The following SAMD5 variants were observed in gnomAD, a reference collection of about 807,000 sequenced individuals.
The protein encoded by SAMD5 is sterile alpha motif domain-containing protein 5.
Under a neutral mutation model 11.3 loss-of-function variants are expected in SAMD5, and 13 were observed. The ratio of observed to expected loss-of-function variants is 1.15; its 90% CI spans 0.75 to 1.83. The LOEUF is 1.83. Among genes scored for constraint, SAMD5 ranks in the 40% most tolerant of loss-of-function variants. The pLI, the probability that SAMD5 is intolerant of heterozygous loss-of-function variation, is 0.00. For synonymous variants in SAMD5, 129 were observed against 111.3 expected (o/e 1.16, Z -1.00); for missense variants, 255 against 239.1 (o/e 1.07, Z -0.44).
intron 1 of SAMD5, among the ~76,000 whole-genome samples, chr6:147,579,490 G>T (rs1789265642): frequency 7.7e-6 from 1 of 129,446 alleles, no homozygotes; most frequent in Non-Finnish European, 1.6e-5. Context: ...TTTTGAGACG[G>T]AGTCTCACTC....
chr6:147,826,183 T>C, the SAMD5 span, among the ~76,000 whole-genome samples: 2 of 152,266 alleles, frequency 1.3e-5, no homozygotes, highest in Non-Finnish European at 2.9e-5. Flanking sequence ...CTATAGCTAA[T>C]GTGCATTTTA....
chr6:147,817,427 A>T, the SAMD5 span, among the ~76,000 whole-genome samples: 1 of 152,234 alleles, frequency 6.6e-6, no homozygotes, highest in Non-Finnish European at 1.5e-5. Context: ...CTTCTTTCTG[A>T]TGCCATGTGG....
chr6:147,805,512 C>T, the SAMD5 span, among the ~76,000 whole-genome samples: 5 of 151,962 alleles, frequency 3.3e-5, no homozygotes, highest in East Asian at 9.6e-4. Context: ...TAATAATGGA[C>T]GTGTGAGAAG....
chr6:147,926,733 T>C, the SAMD5 span, among the ~76,000 whole-genome samples: 4 of 152,156 alleles, frequency 2.6e-5, no homozygotes, highest in Admixed American at 2.6e-4. Context: ...GGTGTCTTCT[T>C]CATGAAATCT....
chr6:147,688,005 T>C (rs1291755042), intron 1 of SAMD5, among the ~76,000 whole-genome samples: 1 of 152,194 alleles, frequency 6.6e-6, no homozygotes, highest in Non-Finnish European at 1.5e-5. Context: ...ATATGTTTCT[T>C]CTGGGCCATT....
chr6:147,792,771 A>G, the SAMD5 span, among the ~76,000 whole-genome samples: 2 of 152,174 alleles, frequency 1.3e-5, no homozygotes, highest in South Asian at 4.1e-4. Flanking sequence ...ACAAAAACCA[A>G]CAACAATGAT....
chr6:147,542,173 G>T (rs372139905), intron 1 of SAMD5, among the ~76,000 whole-genome samples: 1 of 152,168 alleles, frequency 6.6e-6, no homozygotes, highest in East Asian at 1.9e-4. Flanking sequence ...ATGCATATTG[G>T]GTCGGCAGCA....
chr6:147,583,799 G>GA (rs1789335380), intron 1 of SAMD5, among the ~76,000 whole-genome samples: 1 of 141,308 alleles, frequency 7.1e-6, no homozygotes, highest in Non-Finnish European at 1.5e-5. Flanking sequence ...TGATAAAAGG[G>GA]AAAAAAGTGG....
intron 1 of SAMD5, among the ~76,000 whole-genome samples, chr6:147,710,220 A>G (rs909779116): frequency 2.0e-5 from 3 of 152,122 alleles, no homozygotes; most frequent in African/African-American, 7.2e-5. Flanking sequence ...CCCTGCTATG[A>G]GACTGGGTTG....
the SAMD5 span, chr6:147,953,324 C>T: frequency 6.6e-6 from 1 of 151,766 alleles, no homozygotes; most frequent in Non-Finnish European, 1.5e-5. Flanking sequence ...CCTTTGGCCA[C>T]TTCAGCCATT....
chr6:147,692,098 T>C (rs10484686), intron 1 of SAMD5, among the ~76,000 whole-genome samples: 17,364 of 152,192 alleles, frequency 0.11, 1,093 homozygotes, highest in Middle Eastern at 0.16. Context: ...TGATAACTTA[T>C]TGAAATATGG....
the SAMD5 span, among the ~76,000 whole-genome samples, chr6:147,747,724 G>A: frequency 6.6e-6 from 1 of 152,072 alleles, no homozygotes; most frequent in South Asian, 2.1e-4. Context: ...ATGTTCCCTA[G>A]GCCGATAAAC....
chr6:147,911,809 G>A, the SAMD5 span, among the ~76,000 whole-genome samples: 1 of 152,228 alleles, frequency 6.6e-6, no homozygotes, highest in Non-Finnish European at 1.5e-5. Context: ...GCCAGATGCA[G>A]CTGATCCCAG....
Position 147,722,220 on chromosome 6 carries a change from G to A in SAMD5, c.163-15097G>A, listed in dbSNP as rs150606718. ...CTTGCCAATACCAGCTTATGAATGAGCTCAATGATATGCAAGAGGTAAGTG... is the reference window on the plus strand; with the variant it reads ...CTTGCCAATACCAGCTTATGAATGAACTCAATGATATGCAAGAGGTAAGTG... On this transcript the variant is annotated intron_variant, in intron 1 of 1. Transcript: ENST00000566741. Among the ~76,000 whole-genome samples, 18 of 151,662 alleles carry A rather than the reference G, an allele frequency of 1.2e-4. No homozygotes were observed. In the East Asian group the frequency reaches 3.5e-3, roughly 29 times the overall value.
the SAMD5 span, among the ~76,000 whole-genome samples, chr6:147,916,697 C>T: frequency 7.1e-6 from 1 of 141,170 alleles, no homozygotes; most frequent in Admixed American, 7.1e-5. Context: ...CTAAAGCTAT[C>T]CCTCCTCCCT....
In SAMD5 at chr6:147,681,662, A is replaced by G. The variant is rs1790942399; in HGVS notation, c.163-55655A>G. Among the ~76,000 whole-genome samples the G allele has an allele frequency of 2.0e-5, 3 of 152,116 alleles. 1 individual carries two copies. The South Asian group carries it at 6.2e-4, about 32-fold the overall frequency. ...TGCTGGAATTTTTTCTACTTCTATA[A>G]ATATTCTTGAGTTTTGTTCTGGCAT... On this transcript the variant is annotated intron_variant, in intron 1 of 1. Transcript: ENST00000566741.
chr6:147,934,778 C>T, the SAMD5 span, among the ~76,000 whole-genome samples: 3 of 152,012 alleles, frequency 2.0e-5, no homozygotes, highest in Admixed American at 6.6e-5. Context: ...TTGAAGAAAA[C>T]GTGCATGAAG....
chr6:147,894,762 G>A, the SAMD5 span, among the ~76,000 whole-genome samples: 4 of 151,998 alleles, frequency 2.6e-5, no homozygotes, highest in African/African-American at 4.8e-5. Context: ...ACACATACAC[G>A]ATCTCACTTG....
the SAMD5 span, among the ~76,000 whole-genome samples, chr6:147,902,195 C>T: frequency 5.9e-5 from 9 of 152,150 alleles, no homozygotes; most frequent in African/African-American, 2.2e-4. Context: ...TCAGAGATGG[C>T]TCTAAACCCT....
Sources: gnomAD v4.1 joint callset for allele counts (sites outside exome capture counted in the v4.1 genomes callset) on GRCh38, gnomAD v4.1.1 for gene constraint, MANE v1.5 for transcripts, NCBI Gene and HGNC (gene_info 2026-07-23, HGNC 2026-07-21) for gene names.